The following COL23A1 variants were observed in gnomAD, a reference collection of about 807,000 sequenced individuals.
COL23A1 encodes the protein collagen type XXIII alpha 1 chain.
A neutral mutation model predicts 99.3 loss-of-function variants in COL23A1; 97 were observed. The observed-to-expected ratio is 0.98, with a 90% CI of 0.83 to 1.16. The LOEUF (loss-of-function observed/expected upper bound fraction) is 1.16. COL23A1 is among the 50% of genes most tolerant of loss of function. The pLI, the probability that COL23A1 is intolerant of heterozygous loss-of-function variation, is 0.00. For missense variants in COL23A1, 762 were observed against 757.4 expected (o/e 1.01, Z -0.07); for synonymous variants, 320 against 308.2 (o/e 1.04, Z -0.40).
intron 1 of COL23A1, among the ~76,000 whole-genome samples, chr5:178,573,299 A>C (rs10063696): frequency 6.6e-6 from 1 of 152,344 alleles, no homozygotes; most frequent in Admixed American, 6.5e-5. Flanking sequence ...TGGGTACAGA[A>C]GGCATCACAC....
chr5:178,463,985 G>A (rs1224590798), intron 2 of COL23A1, among the ~76,000 whole-genome samples: 1 of 152,222 alleles, frequency 6.6e-6, no homozygotes, highest in Non-Finnish European at 1.5e-5. Flanking sequence ...ACAGGCTCAT[G>A]GGGAGAAATC....
chr5:178,589,694 C>A lies in COL23A1; in HGVS notation c.294+210G>T, dbSNP rs924182204. On this transcript the variant is annotated intron_variant, in intron 1 of 28. Coordinates refer to ENST00000390654, the MANE Select transcript of COL23A1 (RefSeq NM_173465.4). The surrounding 1 kb of genome is among the most constrained non-coding windows in gnomAD (Gnocchi z 5.4). ...GCCTGCCTGGCACGGGACCCTGAGGCCGGAGCGGAGACCGCAAAACCCCTT... is the reference window on the plus strand; with the variant it reads ...GCCTGCCTGGCACGGGACCCTGAGGACGGAGCGGAGACCGCAAAACCCCTT... Among the ~76,000 whole-genome samples the A allele has an allele frequency of 6.6e-6, 1 of 152,170 alleles. No homozygotes were observed. Among genetic ancestry groups the A allele is most frequent in the Non-Finnish European group, 1.5e-5 (1 of 68,024 alleles).
At chr5:178,421,591 A>G (rs939226177) in intron 2 of COL23A1, among the ~76,000 whole-genome samples, 1 of 152,202 alleles carries the variant, frequency 6.6e-6, no homozygotes, top group African/African-American at 2.4e-5. Flanking sequence ...AGACAGGGCC[A>G]GGCACAGTGG....
chr5:178,526,496 C>T (rs779009983), intron 2 of COL23A1, among the ~76,000 whole-genome samples: 7 of 152,262 alleles, frequency 4.6e-5, no homozygotes, highest in South Asian at 2.1e-4. Flanking sequence ...AACCCAGAGG[C>T]GAGCAAGCCC....
At chr5:178,284,717 T>C (rs1285221979) in intron 5 of COL23A1, among the ~76,000 whole-genome samples, 2 of 152,220 alleles carry the variant, frequency 1.3e-5, no homozygotes, top group Non-Finnish European at 2.9e-5. Flanking sequence ...TTACATTCTC[T>C]AAGGATTTTT....
chr5:178,247,011 G>A (rs1352631237), intron 22 of COL23A1, among the ~76,000 whole-genome samples: 2 of 152,196 alleles, frequency 1.3e-5, no homozygotes, highest in African/African-American at 4.8e-5. Flanking sequence ...GTGAGGCCAG[G>A]TGGCCTCCCC....
chr5:178,259,630 C>CCA, intron 12 of COL23A1, 91 bp downstream of exon 12: 5 of 1,221,496 alleles, frequency 4.1e-6, no homozygotes, highest in Non-Finnish European at 3.4e-6. Flanking sequence ...ATCCCGTCCC[C>CCA]ATCCCCATCC....
intron 2 of COL23A1, among the ~76,000 whole-genome samples, chr5:178,464,700 G>T (rs565680706): frequency 1.6e-4 from 24 of 152,316 alleles, no homozygotes; most frequent in African/African-American, 5.5e-4. Context: ...TTTTTAAAGG[G>T]CACCTAAATT....
intron 2 of COL23A1, among the ~76,000 whole-genome samples, chr5:178,401,432 G>A (rs759524128): frequency 1.6e-4 from 24 of 152,190 alleles, no homozygotes; most frequent in Non-Finnish European, 2.5e-4. Context: ...TTTTGAGTCT[G>A]GCTTCCTTAT....
chr5:178,559,925 C>A (rs13162926), intron 2 of COL23A1, among the ~76,000 whole-genome samples: 1 of 151,834 alleles, frequency 6.6e-6, no homozygotes, highest in Admixed American at 6.6e-5. Context: ...CCTTTCCCTG[C>A]ACGTCGGGAA....
chr5:178,320,785 T>A (rs1759253201), intron 2 of COL23A1, among the ~76,000 whole-genome samples: 2 of 152,218 alleles, frequency 1.3e-5, no homozygotes, highest in South Asian at 4.1e-4. Flanking sequence ...GCCTGGCCCT[T>A]GTCAGCAGAA....
chr5:178,516,865 A>G (rs1378247642), intron 2 of COL23A1, among the ~76,000 whole-genome samples: 1 of 152,188 alleles, frequency 6.6e-6, no homozygotes, highest in Non-Finnish European at 1.5e-5. Flanking sequence ...CAGTAGTTAA[A>G]TAAGAGGAGG....
chr5:178,501,495 C>T (rs75683309), intron 2 of COL23A1, among the ~76,000 whole-genome samples: 3 of 151,712 alleles, frequency 2.0e-5, no homozygotes, highest in East Asian at 1.9e-4. Context: ...GCAGAAGAAT[C>T]GCTTAGAGCC....
At chr5:178,252,688 C>A (rs1266357988) in intron 16 of COL23A1, 91 bp from the exon 17 acceptor site, 62 of 1,118,996 alleles carry the variant, frequency 5.5e-5, no homozygotes, top group Non-Finnish European at 7.4e-5. Flanking sequence ...ATCAAGTCCC[C>A]GTCCAGCTGA....
intron 2 of COL23A1, among the ~76,000 whole-genome samples, chr5:178,398,834 A>T (rs535739170): frequency 3.2e-4 from 49 of 152,308 alleles, no homozygotes; most frequent in African/African-American, 1.1e-3. Context: ...TGCTAACAAC[A>T]TGTCTCTCGT....
At chr5:178,430,582 GCA>G (rs1215965671) in intron 2 of COL23A1, among the ~76,000 whole-genome samples, 4 of 152,226 alleles carry the variant, frequency 2.6e-5, no homozygotes, top group Non-Finnish European at 4.4e-5. Context: ...AGCAGAGTGA[GCA>G]CAGAGTGTGA....
chr5:178,253,876 A>G (rs1765166887), intron 16 of COL23A1, among the ~76,000 whole-genome samples: 1 of 151,630 alleles, frequency 6.6e-6, no homozygotes. Context: ...TCCAAAGTCC[A>G]TCTCTGGCTG....
intron 8 of COL23A1, 62 bp from the exon 9 acceptor site, chr5:178,263,386 C>A: frequency 9.1e-7 from 1 of 1,095,904 alleles, no homozygotes; most frequent in South Asian, 1.5e-5. Context: ...CAGAGAGAGG[C>A]TCCCTCAGAT....
chr5:178,503,308 C>A (rs1196066457), intron 2 of COL23A1, among the ~76,000 whole-genome samples: 1 of 152,136 alleles, frequency 6.6e-6, no homozygotes, highest in Non-Finnish European at 1.5e-5. Context: ...CGAGATTGCA[C>A]CACTGCACTC....
Sources: gnomAD v4.1 joint callset for allele counts (sites outside exome capture counted in the v4.1 genomes callset) on GRCh38, gnomAD v4.1.1 for gene constraint, Gnocchi (gnomAD v3.1) non-coding constraint, MANE v1.5 for transcripts, NCBI Gene and HGNC (gene_info 2026-07-23, HGNC 2026-07-21) for gene names.